Variants in SMIM23 observed in about 807,000 individuals in gnomAD.
SMIM23 encodes the protein small integral membrane protein 23.
In SMIM23, 10 loss-of-function variants were observed where a neutral mutation model predicts 12.8. The ratio of observed to expected loss-of-function variants is 0.78; its 90% CI spans 0.48 to 1.32. The LOEUF (loss-of-function observed/expected upper bound fraction) is 1.32. Ranked by LOEUF, SMIM23 falls within the 40% of genes most tolerant of loss-of-function variation. The pLI is 0.00. For synonymous variants in SMIM23, 78 were observed against 80.1 expected (o/e 0.97, Z 0.14); for missense variants, 184 against 198.2 (o/e 0.93, Z 0.43).
chr5:171,783,938 A>C (rs1346184845), upstream of SMIM23, among the ~76,000 whole-genome samples: 1 of 152,204 alleles, frequency 6.6e-6, no homozygotes, highest in Non-Finnish European at 1.5e-5. Flanking sequence ...ATGGCAAATA[A>C]GCTAATATGA....
chr5:171,773,628 C>G, the SMIM23 span: 1 of 359,240 alleles, frequency 2.8e-6, no homozygotes, highest in Non-Finnish European at 5.4e-6. Flanking sequence ...ATGAGACAAC[C>G]AAATAGAGGG....
intron 1 of SMIM23, among the ~76,000 whole-genome samples, chr5:171,789,609 T>A (rs10463008): frequency 2.0e-5 from 3 of 151,982 alleles, no homozygotes; most frequent in Non-Finnish European, 4.4e-5. Context: ...CACAATATAC[T>A]CATCAATAAA....
At chr5:171,779,327 C>T (rs777581967), upstream of SMIM23, among the ~76,000 whole-genome samples, 1 of 152,246 alleles carries the variant, frequency 6.6e-6, no homozygotes, top group African/African-American at 2.4e-5. Context: ...CCCCACCATG[C>T]CCTTTCGTTT....
chr5:171,789,263 A>G (rs1382264516), intron 1 of SMIM23, among the ~76,000 whole-genome samples: 1 of 152,280 alleles, frequency 6.6e-6, no homozygotes, highest in Non-Finnish European at 1.5e-5. Flanking sequence ...AGTTTACTGA[A>G]GAAGCTCATT....
the SMIM23 span, among the ~76,000 whole-genome samples, chr5:171,773,256 G>C: frequency 7.4e-4 from 113 of 152,298 alleles, no homozygotes; most frequent in African/African-American, 2.7e-3. Flanking sequence ...GAGGTGGTGG[G>C]GGCTCAATGA....
chr5:171,773,707 G>C, the SMIM23 span: 1 of 449,016 alleles, frequency 2.2e-6, no homozygotes, highest in African/African-American at 2.0e-5. Flanking sequence ...GAGCAGCCAG[G>C]CCCCATCTAA....
At chr5:171,774,945 C>T in the SMIM23 span, among the ~76,000 whole-genome samples, 2 of 152,190 alleles carry the variant, frequency 1.3e-5, no homozygotes, top group African/African-American at 4.8e-5. Context: ...CCCCAGCTGT[C>T]TTCAGACCCC....
chr5:171,773,612 A>G, the SMIM23 span: 1 of 353,732 alleles, frequency 2.8e-6, no homozygotes, highest in South Asian at 2.1e-5. Flanking sequence ...GATTCAAGGC[A>G]TTGTGATGAG....
At chr5:171,781,070 T>TA (rs1269558303), upstream of SMIM23, among the ~76,000 whole-genome samples, 1 of 152,222 alleles carries the variant, frequency 6.6e-6, no homozygotes, top group East Asian at 1.9e-4. Context: ...CAATGCCCAG[T>TA]ACTTAGAAAA....
chr5:171,779,216 T>G (rs1755687400), upstream of SMIM23, among the ~76,000 whole-genome samples: 1 of 152,200 alleles, frequency 6.6e-6, no homozygotes, highest in African/African-American at 2.4e-5. Context: ...TTCTTACTTC[T>G]CTTGAAAATA....
chr5:171,777,590 G>C (rs1755662646), upstream of SMIM23, among the ~76,000 whole-genome samples: 1 of 152,218 alleles, frequency 6.6e-6, no homozygotes, highest in Non-Finnish European at 1.5e-5. Flanking sequence ...GGAGGCAGCA[G>C]GCTGTGAACA....
the SMIM23 span, among the ~76,000 whole-genome samples, chr5:171,777,318 A>T: frequency 6.6e-6 from 1 of 152,258 alleles, no homozygotes; most frequent in Non-Finnish European, 1.5e-5. Context: ...ATTACAGAGC[A>T]GCATCGCCAG....
At chr5:171,786,998 T>C (rs56290833) in intron 1 of SMIM23, among the ~76,000 whole-genome samples, 11,479 of 141,038 alleles carry the variant, frequency 0.081, 653 homozygotes, top group Non-Finnish European at 0.11. Context: ...AGAGTCCCAT[T>C]GTTTCCTTTT....
At chr5:171,779,454 C>A (rs1755690160), upstream of SMIM23, among the ~76,000 whole-genome samples, 1 of 152,192 alleles carries the variant, frequency 6.6e-6, no homozygotes, top group Non-Finnish European at 1.5e-5. Flanking sequence ...AGGCACCAGA[C>A]CCAGGCTAGG....
In SMIM23 at chr5:171,790,803, A is replaced by G. The variant is rs1284626259; in HGVS notation, c.234A>G (p.Glu78=). Residue 78 remains glutamate, a synonymous_variant, in exon 4 of 4, where the codon GAA becomes GAG. Transcript: ENST00000523047. ...YQNLAVPQGL[E]YQTNEPSEEP... ...CTGTGTCTGCCTTCCAGGGGCTTGAATATCAGACCAACGAGCCCTCAGAAG... is the reference window on the plus strand; with the variant it reads ...CTGTGTCTGCCTTCCAGGGGCTTGAGTATCAGACCAACGAGCCCTCAGAAG... 5 of 1,536,024 alleles carry G rather than the reference A, an allele frequency of 3.3e-6. No homozygotes were observed. The African/African-American group carries it at 6.8e-5, about 21-fold the overall frequency.
chr5:171,778,765 T>C (rs1167801073), upstream of SMIM23, among the ~76,000 whole-genome samples: 2 of 152,230 alleles, frequency 1.3e-5, no homozygotes, highest in Non-Finnish European at 1.5e-5. Flanking sequence ...CCATAGTAAC[T>C]AACACAGACA....
intron 1 of SMIM23, 51 bp from the exon 2 acceptor site, chr5:171,790,179 G>A: frequency 6.6e-7 from 1 of 1,514,706 alleles, no homozygotes; most frequent in South Asian, 1.2e-5. Flanking sequence ...GGGGGACCTG[G>A]AGAGAATTCA....
chr5:171,782,306 CCA>C (rs1755742608), upstream of SMIM23: 2 of 152,194 alleles, frequency 1.3e-5, no homozygotes, highest in Admixed American at 6.5e-5. Context: ...GACAGTGAAG[CCA>C]CAAAAGACAA....
chr5:171,776,243 C>T, the SMIM23 span, among the ~76,000 whole-genome samples: 2 of 120,656 alleles, frequency 1.7e-5, no homozygotes, highest in South Asian at 2.8e-4. Flanking sequence ...GTGCAGCCCA[C>T]GGTCTCACAG....
Sources: allele counts gnomAD v4.1 joint callset (sites outside exome capture counted in the v4.1 genomes callset), GRCh38; gene constraint gnomAD v4.1.1; transcripts MANE v1.5; gene names NCBI Gene and HGNC (gene_info 2026-07-23, HGNC 2026-07-21).